The following SLC35F3 variants were observed in gnomAD, a reference collection of about 807,000 sequenced individuals.
SLC35F3 encodes solute carrier family 35 member F3.
In SLC35F3, 25 loss-of-function variants were observed where a neutral mutation model predicts 49.9. The observed-to-expected ratio is 0.50, with a 90% CI of 0.37 to 0.70. The LOEUF (loss-of-function observed/expected upper bound fraction) is 0.70, where lower values mean the gene tolerates loss of function less well. Among genes scored for constraint, SLC35F3 ranks in the 30% least tolerant of loss-of-function variants. The pLI, the probability that SLC35F3 is intolerant of heterozygous loss-of-function variation, is 0.00. For synonymous variants in SLC35F3, 275 were observed against 265.4 expected, an observed-to-expected ratio of 1.04 and a Z score of -0.35; for missense variants, 525 against 639.8, an observed-to-expected ratio of 0.82 and a Z score of 1.94.
intron 2 of SLC35F3, among the ~76,000 whole-genome samples, chr1:234,071,041 G>T (rs1338173417): frequency 6.6e-6 from 1 of 152,212 alleles, no homozygotes; most frequent in Non-Finnish European, 1.5e-5. Context: ...CTCTATCAGA[G>T]AAAGTCTGTC....
chr1:234,173,160 A>G (rs1362176772), intron 2 of SLC35F3, among the ~76,000 whole-genome samples: 1 of 152,210 alleles, frequency 6.6e-6, no homozygotes, highest in Non-Finnish European at 1.5e-5. Context: ...GCATTTCACT[A>G]GGAACAGGTG....
At chr1:234,125,327 T>C (rs185700893) in intron 2 of SLC35F3, among the ~76,000 whole-genome samples, 124 of 152,302 alleles carry the variant, frequency 8.1e-4, no homozygotes, top group Admixed American at 2.4e-3. Context: ...GTTTCTCACT[T>C]AAGCTCCATG....
chr1:233,946,983 G>A (rs1477583927), intron 2 of SLC35F3, among the ~76,000 whole-genome samples: 1 of 152,196 alleles, frequency 6.6e-6, no homozygotes, highest in Non-Finnish European at 1.5e-5. Flanking sequence ...ATATTCAAAT[G>A]TCATTGATAG....
intron 3 of SLC35F3, among the ~76,000 whole-genome samples, chr1:234,287,666 C>T (rs973333107): frequency 4.6e-5 from 7 of 152,076 alleles, no homozygotes; most frequent in African/African-American, 7.2e-5. Flanking sequence ...TTAAGGAAGC[C>T]GACTCAAGTC....
Position 234,072,491 on chromosome 1 carries a change from T to C in SLC35F3, c.284-158926T>C, listed in dbSNP as rs547373517. ...CATGAAGCAAATATACAATTAAATA[T>C]GTAACATGTTAGGTAGCGTTTAATA... On this transcript the variant is annotated intron_variant, in intron 2 of 7. Coordinates refer to ENST00000366618, the MANE Select transcript of SLC35F3 (RefSeq NM_173508.4). Among the ~76,000 whole-genome samples the C allele has an allele frequency of 3.9e-5, 6 of 152,284 alleles. No individual in the cohort carries two copies. In the East Asian group the frequency reaches 9.6e-4, roughly 24 times the overall value.
chr1:234,145,409 G>A (rs1665981976), intron 2 of SLC35F3, among the ~76,000 whole-genome samples: 1 of 151,676 alleles, frequency 6.6e-6, no homozygotes, highest in South Asian at 2.1e-4. Flanking sequence ...ATCAGTTTCT[G>A]AAAAAGCTAT....
intron 3 of SLC35F3, chr1:234,285,645 CTT>C (rs774826218): frequency 4.7e-6 from 1 of 214,678 alleles, no homozygotes; most frequent in Non-Finnish European, 9.3e-6. Context: ...TAATTGGAGA[CTT>C]TTTCTTAAAC....
At chr1:234,128,031 G>C (rs985368708) in intron 2 of SLC35F3, among the ~76,000 whole-genome samples, 1 of 152,222 alleles carries the variant, frequency 6.6e-6, no homozygotes, top group Admixed American at 6.5e-5. Flanking sequence ...AGAGGACTCA[G>C]AGGGGCAAGA....
intron 2 of SLC35F3, among the ~76,000 whole-genome samples, chr1:234,037,260 AAG>A (rs1664157733): frequency 6.6e-6 from 1 of 152,146 alleles, no homozygotes; most frequent in African/African-American, 2.4e-5. Context: ...GGAAGGAAGC[AAG>A]AGAGAGAGGG....
chr1:234,046,417 T>C lies in SLC35F3; in HGVS notation c.283+140659T>C, dbSNP rs1340356014. ...TTTCATATTCAAGTGTCCTCTTCAC[T>C]AAATTGCTGCTCATTGTGTTCACTA... On this transcript the variant is annotated intron_variant, in intron 2 of 7. Coordinates refer to ENST00000366618, the MANE Select transcript of SLC35F3 (RefSeq NM_173508.4). The surrounding 1 kb of genome is among the most constrained non-coding windows in gnomAD (Gnocchi z 4.4). 6.6e-6 allele frequency among the ~76,000 whole-genome samples: 1 copy of C among 152,240 alleles called. No individual in the cohort carries two copies.
chr1:234,284,799 C>T (rs1668391630), intron 3 of SLC35F3, among the ~76,000 whole-genome samples: 1 of 152,092 alleles, frequency 6.6e-6, no homozygotes, highest in Non-Finnish European at 1.5e-5. Context: ...ACTCACAGCT[C>T]TTTGAGGAGC....
intron 3 of SLC35F3, among the ~76,000 whole-genome samples, chr1:234,255,364 G>T (rs571696028): frequency 1.3e-5 from 2 of 152,336 alleles, no homozygotes; most frequent in South Asian, 4.1e-4. Flanking sequence ...ATATTGCTGA[G>T]AATGTGGAGC....
intron 2 of SLC35F3, among the ~76,000 whole-genome samples, chr1:233,935,661 T>A (rs971557983): frequency 2.0e-5 from 3 of 152,310 alleles, no homozygotes; most frequent in Middle Eastern, 3.4e-3. Flanking sequence ...TTATGTTGCC[T>A]TGAGAGGCTC....
chr1:233,948,228 G>GGAGAGAGA (rs150190453), intron 2 of SLC35F3, among the ~76,000 whole-genome samples: 56 of 107,664 alleles, frequency 5.2e-4, no homozygotes, highest in Non-Finnish European at 7.8e-4. Flanking sequence ...AGGGAGAGAG[G>GGAGAGAGA]GAGAGAGAGA....
intron 2 of SLC35F3, among the ~76,000 whole-genome samples, chr1:234,104,707 A>G (rs1377439472): frequency 6.6e-6 from 1 of 152,224 alleles, no homozygotes; most frequent in Non-Finnish European, 1.5e-5. Flanking sequence ...CAAAAAATGT[A>G]GTTGTGGTTA....
chr1:234,316,791 A>T, intron 5 of SLC35F3, 64 bp downstream of exon 5: 2 of 1,556,434 alleles, frequency 1.3e-6, no homozygotes, highest in Middle Eastern at 3.4e-4. Flanking sequence ...AGCCGGCTTT[A>T]GATCGCTTGT....
At position 234,152,662 on chromosome 1, in the gene SLC35F3, A is replaced by G. The variant is rs151052191; in HGVS notation, c.284-78755A>G. Among the ~76,000 whole-genome samples, 1,112 of 152,278 alleles carry G rather than the reference A, an allele frequency of 7.3e-3. 20 individuals are homozygous for G. Among genetic ancestry groups the G allele is most frequent in the African/African-American group, 0.024 (1,002 of 41,548 alleles). On this transcript the variant is annotated intron_variant, in intron 2 of 7. Transcript: ENST00000366618. ...TTTGGGTTGGTTCCAAGTCTTTGCTATTGTGAACAGTGCTGCAATAAATAT... is the reference window on the plus strand; with the variant it reads ...TTTGGGTTGGTTCCAAGTCTTTGCTGTTGTGAACAGTGCTGCAATAAATAT...
chr1:234,194,195 A>G (rs1460229661), intron 2 of SLC35F3, among the ~76,000 whole-genome samples: 1 of 152,232 alleles, frequency 6.6e-6, no homozygotes, highest in Non-Finnish European at 1.5e-5. Context: ...TGCAAAAAAT[A>G]TGGAACCAGC....
At chr1:234,282,689 A>G (rs61497880) in intron 3 of SLC35F3, among the ~76,000 whole-genome samples, 2 of 152,298 alleles carry the variant, frequency 1.3e-5, no homozygotes, top group East Asian at 3.9e-4. Context: ...TGCACTCCCC[A>G]TTCAAAAGCT....
Sources: gnomAD v4.1 joint callset for allele counts (sites outside exome capture counted in the v4.1 genomes callset) on GRCh38, gnomAD v4.1.1 for gene constraint, Gnocchi (gnomAD v3.1) non-coding constraint, MANE v1.5 for transcripts, NCBI Gene and HGNC (gene_info 2026-07-23, HGNC 2026-07-21) for gene names.